The following MEIS1 variants were observed in gnomAD, a reference collection of about 807,000 sequenced individuals.
MEIS1 encodes homeobox protein Meis1.
In MEIS1, 5 loss-of-function variants were observed where a neutral mutation model predicts 50.8. The observed-to-expected ratio is 0.10, with a 90% CI of 0.05 to 0.21. The LOEUF (loss-of-function observed/expected upper bound fraction) is 0.21. Among genes scored for constraint, MEIS1 ranks in the 10% least tolerant of loss-of-function variants. The pLI, the probability that MEIS1 is intolerant of heterozygous loss-of-function variation, is 1.00. For missense variants in MEIS1, 318 were observed against 517.3 expected, an observed-to-expected ratio of 0.61 and a Z score of 3.74; for synonymous variants, 176 against 179.3, an observed-to-expected ratio of 0.98 and a Z score of 0.15.
At chr2:66,469,855 T>C (rs1238767178) in intron 7 of MEIS1, among the ~76,000 whole-genome samples, 2 of 152,072 alleles carry the variant, frequency 1.3e-5, no homozygotes, top group East Asian at 3.9e-4. Context: ...GTTCAGGATG[T>C]AATCTGAAAC....
At chr2:66,495,983 G>C (rs1673393044) in intron 7 of MEIS1, 2 of 152,370 alleles carry the variant, frequency 1.3e-5, no homozygotes, top group South Asian at 4.2e-4. Flanking sequence ...TTGGTATTCG[G>C]AGATCTGTTT....
At chr2:66,438,461 C>T (rs1206037967) in intron 2 of MEIS1, among the ~76,000 whole-genome samples, 3 of 152,214 alleles carry the variant, frequency 2.0e-5, no homozygotes, top group Non-Finnish European at 2.9e-5. Context: ...AGTTGCAGGT[C>T]AAGCAAGGGG....
At chr2:66,512,394 A>T in intron 8 of MEIS1, 100 bp downstream of exon 8, 1 of 1,312,422 alleles carries the variant, frequency 7.6e-7, no homozygotes, top group Non-Finnish European at 1.0e-6. Flanking sequence ...GACTTGAAAT[A>T]TTTAATAAAT....
At chr2:66,503,809 A>G (rs1227242482) in intron 7 of MEIS1, among the ~76,000 whole-genome samples, 1 of 130,026 alleles carries the variant, frequency 7.7e-6, no homozygotes, top group African/African-American at 3.1e-5. Flanking sequence ...CAATGGCGCG[A>G]TCTTGGCTCA....
rs1211246211 is a variant in MEIS1 at position 66,573,434 on chromosome 2, T to C, written c.*2226T>C. On this transcript the variant is annotated 3_prime_UTR_variant, in exon 13 of 13. Transcript: ENST00000272369. ...GATTGCTTTGTAAACAAAGGATGGG[T>C]CGGAGGAGAGAGAGCCTTAAACTCA... is the stretch of plus-strand genomic sequence containing the variant. 2 of 152,176 alleles carry C rather than the reference T, an allele frequency of 1.3e-5. No homozygotes were observed. The highest frequency in any genetic ancestry group is 2.9e-5 in the Non-Finnish European group (2 of 68,040). 9.4% of individuals were successfully genotyped at this position (152,176 alleles called of 1,614,324 possible). A position where few individuals can be genotyped will look rare whatever the true frequency, so the allele number is the denominator to read the frequency against.
In MEIS1 at chr2:66,553,160, A is replaced by G. The variant is rs56951074; in HGVS notation, c.965+5141A>G. On this transcript the variant is annotated intron_variant, in intron 9 of 12. Transcript: ENST00000272369. The stretch of plus-strand genomic sequence containing the variant: ...TTCCTTGCCTAGGAATCACCTAGGG[A>G]TGGAACAGCTTCACACATAGAAAGT... Among the ~76,000 whole-genome samples, 341 of 152,330 alleles carry G rather than the reference A, an allele frequency of 2.2e-3. 2 individuals carry two copies. The highest frequency in any genetic ancestry group is 7.8e-3 in the African/African-American group (323 of 41,584).
At chr2:66,459,004 A>G (rs1367231961) in intron 6 of MEIS1, among the ~76,000 whole-genome samples, 1 of 152,208 alleles carries the variant, frequency 6.6e-6, no homozygotes, top group Non-Finnish European at 1.5e-5. Flanking sequence ...CAAAACATTC[A>G]TAGTGTAGAA....
chr2:66,510,246 A>G (rs1673793245), intron 7 of MEIS1, among the ~76,000 whole-genome samples: 1 of 152,230 alleles, frequency 6.6e-6, no homozygotes, highest in South Asian at 2.1e-4. Context: ...AGAATTTATT[A>G]GGCAAATCCA....
chr2:66,557,950 T>C (rs1180093909), intron 9 of MEIS1, among the ~76,000 whole-genome samples: 2 of 152,096 alleles, frequency 1.3e-5, no homozygotes, highest in African/African-American at 4.8e-5. Context: ...CACTGGGTAG[T>C]GTTTTGACTG....
intron 9 of MEIS1, 41 bp from the exon 10 acceptor site, chr2:66,567,412 T>A: frequency 5.6e-6 from 9 of 1,598,060 alleles, no homozygotes; most frequent in Non-Finnish European, 7.7e-6. Flanking sequence ...CCCCCTTTTA[T>A]TTTTAAGGAA....
At position 66,465,445 on chromosome 2, in the gene MEIS1, T is replaced by C. The variant is rs143090413; in HGVS notation, c.742+1225T>C. ...TGCAGCATAAATCCAAGGGGCCTTT[T>C]TTCTTTCAAGTGTGTGTATGTATGT... On this transcript the variant is annotated intron_variant, in intron 7 of 12. Transcript: ENST00000272369. Among the ~76,000 whole-genome samples, 182 of 152,296 alleles carry C rather than the reference T, an allele frequency of 1.2e-3. 1 individual carries two copies. Among genetic ancestry groups the C allele is most frequent in the African/African-American group, 4.3e-3 (178 of 41,566 alleles).
At chr2:66,478,856 GA>G (rs1486628144) in intron 7 of MEIS1, among the ~76,000 whole-genome samples, 1 of 152,186 alleles carries the variant, frequency 6.6e-6, no homozygotes, top group Non-Finnish European at 1.5e-5. Flanking sequence ...GATAAGAGGA[GA>G]AAGCCTTTTC....
intron 8 of MEIS1, among the ~76,000 whole-genome samples, chr2:66,520,654 C>A (rs1238375772): frequency 1.3e-5 from 2 of 152,114 alleles, no homozygotes; most frequent in Admixed American, 1.3e-4. Flanking sequence ...TTATTCTATC[C>A]TTTCAACAGC....
intron 8 of MEIS1, among the ~76,000 whole-genome samples, chr2:66,533,564 AT>A (rs1406146820): frequency 3.9e-5 from 6 of 152,122 alleles, no homozygotes; most frequent in Non-Finnish European, 7.3e-5. Flanking sequence ...GTAATTATTT[AT>A]TTACTTCTGT....
In MEIS1 at chr2:66,568,774, T is replaced by C. The variant is rs112723259; in HGVS notation, c.1114+18T>C. On this transcript the variant is annotated intron_variant, in intron 11 of 12. Transcript: ENST00000272369. ...AGCACCAGGTAAGACTTTGTTTTTG[T>C]GGTAGTTCCTCATTTTTGACTCCAA... is the stretch of plus-strand genomic sequence containing the variant. 0.03 allele frequency: 47,929 copies of C among 1,604,250 alleles called. 856 individuals are homozygous for C. Among genetic ancestry groups the C allele is most frequent in the Middle Eastern group, 0.055 (335 of 6,052 alleles).
intron 8 of MEIS1, among the ~76,000 whole-genome samples, chr2:66,527,590 AAGTG>A (rs1306322487): frequency 4.7e-4 from 46 of 97,820 alleles, no homozygotes; most frequent in African/African-American, 2.0e-3. Context: ...CAGTAAAAGC[AAGTG>A]TGTGTGTGTG....
intron 7 of MEIS1, among the ~76,000 whole-genome samples, chr2:66,506,528 G>A (rs1486712997): frequency 1.3e-5 from 2 of 152,186 alleles, no homozygotes; most frequent in African/African-American, 2.4e-5. Context: ...ACCCAGGAGA[G>A]AGATCGTGAA....
chr2:66,456,642 G>T (rs1329946996), intron 6 of MEIS1, among the ~76,000 whole-genome samples: 2 of 152,220 alleles, frequency 1.3e-5, no homozygotes, highest in East Asian at 1.9e-4. Flanking sequence ...TTAAAAAAGG[G>T]TTCAACAAGA....
At chr2:66,473,107 G>A (rs1573157382) in intron 7 of MEIS1, among the ~76,000 whole-genome samples, 2 of 151,974 alleles carry the variant, frequency 1.3e-5, no homozygotes, top group South Asian at 2.1e-4. Context: ...GGCCGGGCGC[G>A]GTGGCTCATG....
Sources: gnomAD v4.1 joint callset for allele counts (sites outside exome capture counted in the v4.1 genomes callset) on GRCh38, gnomAD v4.1.1 for gene constraint, MANE v1.5 for transcripts, NCBI Gene and HGNC (gene_info 2026-07-23, HGNC 2026-07-21) for gene names.